PIK3R3: variants seen among roughly 807,000 people sequenced by gnomAD.
PIK3R3 encodes the protein phosphoinositide-3-kinase regulatory subunit 3, also known as phosphatidylinositol 3-kinase regulatory subunit gamma.
Under a neutral mutation model 62.9 loss-of-function variants are expected in PIK3R3, and 64 were observed. The observed-to-expected ratio is 1.02, with a 90% CI of 0.83 to 1.25. The LOEUF (loss-of-function observed/expected upper bound fraction) is 1.25. Among genes scored for constraint, PIK3R3 ranks in the 50% most tolerant of loss-of-function variants. The probability of loss-of-function intolerance (pLI) is 0.00; values close to 1 mark genes in which losing one functional copy is unlikely to be tolerated. For synonymous variants in PIK3R3, 165 were observed against 189.0 expected, an observed-to-expected ratio of 0.87 and a Z score of 1.04; for missense variants, 614 against 561.6, an observed-to-expected ratio of 1.09 and a Z score of -0.94.
the PIK3R3 span, among the ~76,000 whole-genome samples, chr1:46,161,308 G>A: frequency 6.7e-6 from 1 of 148,168 alleles, no homozygotes; most frequent in African/African-American, 2.5e-5. Context: ...ATGTTGCCTA[G>A]GCTGGTCTCA....
At chr1:46,066,457 A>G (rs1648998106) in intron 4 of PIK3R3, among the ~76,000 whole-genome samples, 1 of 152,236 alleles carries the variant, frequency 6.6e-6, no homozygotes, top group African/African-American at 2.4e-5. Context: ...TTTTATATAA[A>G]GGTAACAAGT....
intron 3 of PIK3R3, among the ~76,000 whole-genome samples, chr1:46,073,930 G>C (rs1336297132): frequency 6.7e-6 from 1 of 149,700 alleles, no homozygotes; most frequent in Admixed American, 6.7e-5. Flanking sequence ...CACCATGACC[G>C]GCCAACTGTT....
In PIK3R3 at chr1:46,105,286, G is replaced by A. The variant is rs866931016; in HGVS notation, c.107-24536C>T. ...TGGGAGGCCGAGGAGGGCAGATCAC[G>A]AGGTCAAGTTCGAGACCAACCTGGC... On this transcript the variant is annotated intron_variant, in intron 1 of 9. Coordinates refer to ENST00000262741, the MANE Select transcript of PIK3R3 (RefSeq NM_003629.4). 6.7e-5 allele frequency: 18 copies of A among 268,542 alleles called. No homozygotes were observed. The Middle Eastern group carries it at 9.5e-3, about 142-fold the overall frequency. The allele number at this position is 268,542 out of a possible 1,614,324, so 16.6% of individuals were successfully genotyped here.
chr1:46,067,234 A>T (rs1649088313), intron 3 of PIK3R3, 143 bp from the exon 4 acceptor site: 1 of 345,000 alleles, frequency 2.9e-6, no homozygotes, highest in South Asian at 4.9e-5. Context: ...GTGAAAAGGC[A>T]TGTTATTCTG....
chr1:46,153,638 A>C, the PIK3R3 span, among the ~76,000 whole-genome samples: 3 of 152,244 alleles, frequency 2.0e-5, no homozygotes, highest in Non-Finnish European at 4.4e-5. Context: ...TGGGCAATAC[A>C]GACTTTTTCA....
Position 46,131,967 on chromosome 1 carries a change from C to CA in PIK3R3, c.-16dup. 6.2e-7 allele frequency: 1 copy of CA among 1,612,894 alleles called. No individual in the cohort carries two copies. The highest frequency in any genetic ancestry group is 8.5e-7 in the Non-Finnish European group (1 of 1,179,664). ...GTATTGTACATCGCGCTGTCAGGGG[C>CA]AGGTCGCCAGGAGATATATAGAAGG... On this transcript the variant is annotated 5_prime_UTR_variant, in exon 1 of 10. The change abolishes the stop of an existing upstream ORF in the 5' untranslated region. Coordinates refer to ENST00000262741, the MANE Select transcript of PIK3R3 (RefSeq NM_003629.4).
intron 7 of PIK3R3, among the ~76,000 whole-genome samples, chr1:46,047,448 A>AAAAAAAAAAAAG (rs1553143013): frequency 1.4e-5 from 2 of 141,774 alleles, no homozygotes; most frequent in Non-Finnish European, 3.0e-5. Context: ...AAAAAAAAAA[A>AAAAAAAAAAAAG]AAAGAAAGAA....
intron 7 of PIK3R3, among the ~76,000 whole-genome samples, chr1:46,052,691 G>A (rs553133923): frequency 6.6e-6 from 1 of 152,096 alleles, no homozygotes; most frequent in South Asian, 2.1e-4. Flanking sequence ...ACCTATTCTT[G>A]AGCTTCCAGT....
the PIK3R3 span, among the ~76,000 whole-genome samples, chr1:46,162,640 G>C: frequency 3.0e-4 from 45 of 150,796 alleles, no homozygotes; most frequent in Non-Finnish European, 1.2e-4. Context: ...TTATTTTTCC[G>C]AGACAGAGTC....
intron 3 of PIK3R3, among the ~76,000 whole-genome samples, chr1:46,068,091 G>GT (rs1253151947): frequency 6.6e-6 from 1 of 152,038 alleles, no homozygotes; most frequent in East Asian, 1.9e-4. Flanking sequence ...TGACCTTTTT[G>GT]TAAAAGGTCA....
At chr1:46,167,093 G>C in the PIK3R3 span, among the ~76,000 whole-genome samples, 1 of 152,382 alleles carries the variant, frequency 6.6e-6, no homozygotes, top group South Asian at 2.1e-4. Flanking sequence ...CAGGACCCTA[G>C]CTGCGGGACT....
chr1:46,164,144 T>C, the PIK3R3 span, among the ~76,000 whole-genome samples: 1 of 152,194 alleles, frequency 6.6e-6, no homozygotes, highest in South Asian at 2.1e-4. Flanking sequence ...ACTCCAATTA[T>C]TGAGGATCTA....
chr1:46,126,615 T>C (rs940771151), intron 1 of PIK3R3, among the ~76,000 whole-genome samples: 1 of 151,732 alleles, frequency 6.6e-6, no homozygotes, highest in African/African-American at 2.4e-5. Flanking sequence ...CCACTAACTC[T>C]TTTTGCTTTT....
Position 46,061,985 on chromosome 1 carries a change from A to G in PIK3R3, c.708T>C (p.His236=). 1 of 1,612,876 alleles carries G rather than the reference A, an allele frequency of 6.2e-7. No individual in the cohort carries two copies. Among genetic ancestry groups the G allele is most frequent in the South Asian group, 1.1e-5 (1 of 91,024 alleles). The part of the protein sequence containing the change: ...FEEQCHTQEQ[H]SKEYIERFRR... ...GAAATCGCTCAATATATTCTTTGCTATGTTGTTCTTGTGTGTGACACTGCT... is the reference window on the plus strand; with the variant it reads ...GAAATCGCTCAATATATTCTTTGCTGTGTTGTTCTTGTGTGTGACACTGCT... Residue 236 remains histidine (H), a synonymous_variant, in exon 6 of 10, where the codon CAT becomes CAC. Transcript: ENST00000262741.
chr1:46,094,200 CTATT>C (rs1413782770), intron 1 of PIK3R3, among the ~76,000 whole-genome samples: 2 of 151,958 alleles, frequency 1.3e-5, no homozygotes, highest in Non-Finnish European at 2.9e-5. Context: ...CCAAAGATAT[CTATT>C]TGTGATAACT....
chr1:46,114,820 G>A (rs1443855190), intron 1 of PIK3R3, among the ~76,000 whole-genome samples: 1 of 110,816 alleles, frequency 9.0e-6, no homozygotes, highest in African/African-American at 3.6e-5. Flanking sequence ...TCACCATGTT[G>A]CCCAGGCTGA....
At chr1:46,159,751 A>G in the PIK3R3 span, among the ~76,000 whole-genome samples, 1 of 151,982 alleles carries the variant, frequency 6.6e-6, no homozygotes, top group African/African-American at 2.4e-5. Flanking sequence ...ACACACACAC[A>G]CACACACACA....
chr1:46,094,867 C>T (rs1363135571), intron 1 of PIK3R3, among the ~76,000 whole-genome samples: 1 of 152,198 alleles, frequency 6.6e-6, no homozygotes, highest in Non-Finnish European at 1.5e-5. Context: ...TCGTATGTTA[C>T]TGACGTTGAG....
intron 1 of PIK3R3, among the ~76,000 whole-genome samples, chr1:46,114,749 C>T (rs938792103): frequency 5.4e-5 from 8 of 148,464 alleles, no homozygotes; most frequent in African/African-American, 1.5e-4. Flanking sequence ...AGACTACAGG[C>T]ATACACCACC....
Sources: allele counts gnomAD v4.1 joint callset (sites outside exome capture counted in the v4.1 genomes callset), GRCh38; gene constraint gnomAD v4.1.1; transcripts MANE v1.5; gene names NCBI Gene and HGNC (gene_info 2026-07-23, HGNC 2026-07-21).